SLC5A6: variants seen among roughly 807,000 people sequenced by gnomAD.
The protein encoded by SLC5A6 is sodium-dependent multivitamin transporter.
Under a neutral mutation model 67.9 loss-of-function variants are expected in SLC5A6, and 31 were observed. That is an observed-to-expected ratio of 0.46 (90% CI 0.34 to 0.62). SLC5A6 has a LOEUF of 0.62. SLC5A6 is among the 20% of genes least tolerant of loss of function. The pLI is 0.01. For missense variants in SLC5A6, 673 were observed against 812.8 expected (o/e 0.83, Z 2.09); for synonymous variants, 343 against 331.0 (o/e 1.04, Z -0.39).
intron 5 of SLC5A6, 181 bp downstream of exon 5, chr2:27,206,302 A>G: frequency 1.4e-6 from 1 of 697,996 alleles, no homozygotes; most frequent in South Asian, 1.8e-5. Flanking sequence ...ACATGTTACT[A>G]GCTGTCAATT....
upstream of SLC5A6, chr2:27,212,274 G>A: frequency 6.4e-7 from 1 of 1,555,208 alleles, no homozygotes; most frequent in Non-Finnish European, 8.7e-7. Context: ...GGACCGGGCC[G>A]CTTAGGCCAC....
At chr2:27,203,944 T>C in intron 9 of SLC5A6, 77 bp from the exon 10 acceptor site, 1 of 1,058,802 alleles carries the variant, frequency 9.4e-7, no homozygotes, top group Non-Finnish European at 1.4e-6. Flanking sequence ...GAAGCTCCCT[T>C]TACATGTGCC....
At chr2:27,211,934 G>A (rs890568238) in intron 1 of SLC5A6, 86 bp downstream of exon 1, 25 of 416,290 alleles carry the variant, frequency 6.0e-5, no homozygotes, top group Non-Finnish European at 8.8e-5. Context: ...GCCAGAGCCC[G>A]GCCGAGAGCC....
intron 2 of SLC5A6, among the ~76,000 whole-genome samples, chr2:27,209,358 T>C (rs1049552203): frequency 2.0e-5 from 3 of 152,228 alleles, no homozygotes; most frequent in African/African-American, 7.2e-5. Context: ...ACACCTGCTA[T>C]GTAACCCAGC....
upstream of SLC5A6, chr2:27,212,556 G>A: frequency 3.4e-6 from 5 of 1,492,488 alleles, no homozygotes; most frequent in South Asian, 6.5e-5. Flanking sequence ...TCTCCTCGGC[G>A]GGCCTGCGGT....
Position 27,204,512 on chromosome 2 carries a change from A to T in SLC5A6, c.954T>A (p.Tyr318Ter), listed in dbSNP as rs1160413878. 1 of 1,614,028 alleles carries T rather than the reference A, an allele frequency of 6.2e-7. No individual in the cohort carries two copies. The highest frequency in any genetic ancestry group is 2.2e-5 in the East Asian group (1 of 44,860). ...GCLIGLVMFAYYQEYPMSIQQ... is the reference protein window; with the variant it reads ...GCLIGLVMFA ...GAATGCTCATGGGATACTCCTGGTAATACGCGAACATGACCAGGCCAATGA... is the reference window on the plus strand; with the variant it reads ...GAATGCTCATGGGATACTCCTGGTATTACGCGAACATGACCAGGCCAATGA... The change falls in exon 9 of 17, where the codon TAT (tyrosine) becomes TAA (stop). Residue 318 changes from tyrosine to a stop codon, truncating the protein, a stop_gained. Transcript: ENST00000310574. LOFTEE classifies it high-confidence loss of function.
rs115739570 is a variant in SLC5A6 at position 27,203,482 on chromosome 2, C to T, written c.1095-137G>A. On this transcript the variant is annotated intron_variant, in intron 10 of 16. Transcript: ENST00000310574. The stretch of plus-strand genomic sequence containing the variant: ...AACCTCCTCATAGTTGGACTTGATG[C>T]CACCTCAGAGCGGGCCTGGAAGGCA... The T allele has an allele frequency of 1.2e-3, 880 of 754,406 alleles. 7 individuals carry two copies. The African/African-American group carries it at 0.014, about 12-fold the overall frequency. 46.7% of individuals were successfully genotyped at this position (754,406 alleles called of 1,614,324 possible).
At chr2:27,212,382 A>G (rs1275533), upstream of SLC5A6, 1,509,133 of 1,550,438 alleles carry the variant, frequency 0.97, 737,357 homozygotes, top group East Asian at 1. Flanking sequence ...GCGCCTCACG[A>G]CCCGGGTAGT....
rs531196044 is a variant in SLC5A6, at chr2:27,201,168, C to T, written c.1649-55G>A. On this transcript the variant is annotated intron_variant, in intron 15 of 16. Transcript: ENST00000310574. ...GGTGGAACCATCCACAGCAGCGGGC[C>T]CCATGTCCTCCCTTGGCCCCCAGAG... The T allele has an allele frequency of 6.6e-4, 888 of 1,348,498 alleles. 13 individuals carry two copies. In the South Asian group the frequency reaches 0.011, roughly 16 times the overall value. The allele number at this position is 1,348,498 out of a possible 1,614,324, so 83.5% of individuals were successfully genotyped here.
chr2:27,207,029 G>A lies in SLC5A6; in HGVS notation c.394-87C>T, dbSNP rs961296278. 8.1e-7 allele frequency: 1 copy of A among 1,240,524 alleles called. No homozygotes were observed. The highest frequency in any genetic ancestry group is 1.5e-5 in the African/African-American group (1 of 67,580). 76.8% of individuals were successfully genotyped at this position (1,240,524 alleles called of 1,614,324 possible). The stretch of plus-strand genomic sequence containing the variant: ...CCCTCAAGATGCTCAGGAACATGAG[G>A]GAATATCCAACCCATACCCACTCTG... On this transcript the variant is annotated intron_variant, in intron 3 of 16. Coordinates refer to ENST00000310574, the MANE Select transcript of SLC5A6 (RefSeq NM_021095.4). This position sits in a 1 kb window ranked among gnomAD's most constrained non-coding sequence, Gnocchi z 5.5.
At chr2:27,201,174 T>C (rs1403769319) in intron 15 of SLC5A6, 61 bp from the exon 16 acceptor site, 5 of 1,327,106 alleles carry the variant, frequency 3.8e-6, no homozygotes, top group Non-Finnish European at 5.3e-6. Flanking sequence ...GGGCCCCATG[T>C]CCTCCCTTGG....
chr2:27,206,952 C>T lies in SLC5A6; in HGVS notation c.394-10G>A, dbSNP rs1267062899. 1 of 1,610,716 alleles carries T rather than the reference C, an allele frequency of 6.2e-7. No individual in the cohort carries two copies. Among genetic ancestry groups the T allele is most frequent in the East Asian group, 2.2e-5 (1 of 44,868 alleles). ...ATCGAAGCTCCAGGTACTGGGTATA[C>T]AGAAAAAAAGATTTTTCTCCTGACT... On this transcript the variant is annotated splice_polypyrimidine_tract_variant and intron_variant, in intron 3 of 16. Transcript: ENST00000310574.
intron 5 of SLC5A6, 146 bp downstream of exon 5, chr2:27,206,337 T>A: frequency 2.5e-6 from 2 of 786,970 alleles, no homozygotes; most frequent in Non-Finnish European, 4.2e-6. Flanking sequence ...CTTCCTCTGG[T>A]AGAGACCCAC....
At chr2:27,202,187 G>C (rs1558504466) in intron 12 of SLC5A6, 113 bp from the exon 13 acceptor site, 3 of 776,176 alleles carry the variant, frequency 3.9e-6, no homozygotes, top group Non-Finnish European at 6.8e-6. Flanking sequence ...TGTCAGATCT[G>C]TCTCTTCTGT....
chr2:27,200,405 G>A lies in SLC5A6; in HGVS notation c.*31C>T. The stretch of plus-strand genomic sequence containing the variant: ...TGGCCTCTGGCTATGGCCTGGCACA[G>A]TGAGGACAGAGGCGGGGTCCTGAGT... On this transcript the variant is annotated 3_prime_UTR_variant, in exon 17 of 17. Coordinates refer to ENST00000310574, the MANE Select transcript of SLC5A6 (RefSeq NM_021095.4). 6.3e-7 allele frequency: 1 copy of A among 1,591,152 alleles called. No homozygotes were observed. Among genetic ancestry groups the A allele is most frequent in the Non-Finnish European group, 8.6e-7 (1 of 1,168,586 alleles).
Position 27,207,494 on chromosome 2 carries a change from G to A in SLC5A6, c.157C>T (p.Arg53Trp), listed in dbSNP as rs369046381. The A allele has an allele frequency of 3.0e-5, 48 of 1,614,056 alleles. No individual in the cohort carries two copies. Among genetic ancestry groups the A allele is most frequent in the African/African-American group, 5.3e-5 (4 of 74,922 alleles). The change falls in exon 3 of 17, where the codon CGG becomes TGG. Residue 53 changes from arginine to tryptophan, a missense_variant. Physicochemically the swap from Arg to Trp is moderately radical, Grantham distance 101. Coordinates refer to ENST00000310574, the MANE Select transcript of SLC5A6 (RefSeq NM_021095.4). The surrounding 1 kb of genome is among the most constrained non-coding windows in gnomAD (Gnocchi z 5.5). The stretch of plus-strand genomic sequence containing the variant: ...ATCAGCAGCTCACCAACAGTATGCC[G>A]GCCCCAGCCACGACAAGCATGGTAG... ...GLYHACRGWG[R>W]HTVGELLMAD...
chr2:27,202,546 G>A (rs1365118104), intron 12 of SLC5A6, among the ~76,000 whole-genome samples: 1 of 148,998 alleles, frequency 6.7e-6, no homozygotes, highest in African/African-American at 2.5e-5. Context: ...GGGCAGGAAA[G>A]GCTGCTAGGG....
chr2:27,207,303 G>A lies in SLC5A6; in HGVS notation c.348C>T (p.Ile116=). The A allele has an allele frequency of 6.2e-7, 1 of 1,614,104 alleles. No individual in the cohort carries two copies. Among genetic ancestry groups the A allele is most frequent in the South Asian group, 1.1e-5 (1 of 91,082 alleles). ...YFLGLLIPAH[I]FIPVFYRLHL... The stretch of plus-strand genomic sequence containing the variant: ...GCAGGCGGTAGAAAACGGGGATGAA[G>A]ATGTGTGCAGGTATCAGCAGCCCCA... The change falls in exon 3 of 17, where the codon ATC becomes ATT. Residue 116 remains isoleucine (I), a synonymous_variant. Coordinates refer to ENST00000310574, the MANE Select transcript of SLC5A6 (RefSeq NM_021095.4). This position sits in a 1 kb window ranked among gnomAD's most constrained non-coding sequence, Gnocchi z 5.5.
intron 10 of SLC5A6, 24 bp from the exon 11 acceptor site, chr2:27,203,369 G>A (rs1673795219): frequency 1.2e-6 from 2 of 1,611,850 alleles, no homozygotes; most frequent in Non-Finnish European, 1.7e-6. Flanking sequence ...AGAGGATGAG[G>A]AGTTGAGCGA....
Sources: gnomAD v4.1 joint callset for allele counts (sites outside exome capture counted in the v4.1 genomes callset) on GRCh38, gnomAD v4.1.1 for gene constraint, Gnocchi (gnomAD v3.1) non-coding constraint, MANE v1.5 for transcripts, NCBI Gene and HGNC (gene_info 2026-07-23, HGNC 2026-07-21) for gene names.